ASCC3: variants seen among roughly 807,000 people sequenced by gnomAD.
ASCC3 encodes ASC-1 complex subunit P200.
In ASCC3, 158 loss-of-function variants were observed where a neutral mutation model predicts 256.3. The observed-to-expected ratio is 0.62, with a 90% CI of 0.54 to 0.70. The LOEUF (loss-of-function observed/expected upper bound fraction) is 0.70. ASCC3 is among the 30% of genes least tolerant of loss of function. The pLI, the probability that ASCC3 is intolerant of heterozygous loss-of-function variation, is 0.00. For synonymous variants in ASCC3, 948 were observed against 883.4 expected (o/e 1.07, Z -1.30); for missense variants, 2,259 against 2,626.0 (o/e 0.86, Z 3.05).
chr6:100,816,641 C>T lies in ASCC3; in HGVS notation c.802-10761G>A, dbSNP rs996965571. ...GGTGAAAGCCATTATCTTTAGCAAA[C>T]TAGCACACCAACAGAAAATCAAATA... On this transcript the variant is annotated intron_variant, in intron 4 of 41. Coordinates refer to ENST00000369162, the MANE Select transcript of ASCC3 (RefSeq NM_006828.4). Among the ~76,000 whole-genome samples, 14 of 152,174 alleles carry T rather than the reference C, an allele frequency of 9.2e-5. No individual in the cohort carries two copies. In the South Asian group the frequency reaches 2.3e-3, roughly 25 times the overall value.
At chr6:100,865,268 G>T (rs1773423038) in intron 2 of ASCC3, among the ~76,000 whole-genome samples, 1 of 152,092 alleles carries the variant, frequency 6.6e-6, no homozygotes, top group Non-Finnish European at 1.5e-5. Context: ...ATATTAAAAT[G>T]AAGCTCATCA....
chr6:100,727,884 T>A lies in ASCC3; in HGVS notation c.1738-2181A>T, dbSNP rs9498193. ...AGGGATCATTCTAAGGAGAAAAAAA[T>A]TTTCTATACCTGCTTAAGAGTGTGG... On this transcript the variant is annotated intron_variant, in intron 10 of 41. Coordinates refer to ENST00000369162, the MANE Select transcript of ASCC3 (RefSeq NM_006828.4). Among the ~76,000 whole-genome samples the A allele has an allele frequency of 4.8e-3, 734 of 151,876 alleles. 10 individuals carry two copies. The highest frequency in any genetic ancestry group is 0.017 in the African/African-American group (711 of 41,468).
chr6:100,806,573 G>A (rs1276399445), intron 4 of ASCC3, among the ~76,000 whole-genome samples: 1 of 151,766 alleles, frequency 6.6e-6, no homozygotes, highest in African/African-American at 2.4e-5. Context: ...GATCTGGGAA[G>A]ATACATGTAT....
intron 10 of ASCC3, among the ~76,000 whole-genome samples, chr6:100,750,068 T>C (rs2115091579): frequency 6.6e-6 from 1 of 151,944 alleles, no homozygotes. Flanking sequence ...AGAGCCTTTT[T>C]GACAAAAACT....
At chr6:100,687,842 T>A (rs1450602278) in intron 13 of ASCC3, among the ~76,000 whole-genome samples, 1 of 152,094 alleles carries the variant, frequency 6.6e-6, no homozygotes, top group Non-Finnish European at 1.5e-5. Context: ...AAAGTATCCA[T>A]ATGTTCAAAC....
intron 36 of ASCC3, among the ~76,000 whole-genome samples, chr6:100,560,019 C>T (rs240772): frequency 0.58 from 88,645 of 151,918 alleles, 26,450 homozygotes; most frequent in South Asian, 0.71. Context: ...AATAAAACCA[C>T]TAAAAATAGA....
At position 100,766,576 on chromosome 6, in the gene ASCC3, A is replaced by G. The variant is rs1442889408; in HGVS notation, c.1726T>C (p.Leu576=). Residue 576 remains leucine, a synonymous_variant, in exon 10 of 42, where the codon TTA becomes CTA. Transcript: ENST00000369162. ...GDMQLSKSEI[L]RTQMLVTTPE... is the part of the protein sequence containing the mutation. ...GGTAAACAACATACCTGAGTTCGTA[A>G]AATTTCACTTTTGGACAACTGCATG... is the stretch of plus-strand genomic sequence containing the variant. The G allele has an allele frequency of 1.2e-6, 2 of 1,613,960 alleles. No homozygotes were observed. Among genetic ancestry groups the G allele is most frequent in the African/African-American group, 2.7e-5 (2 of 74,936 alleles).
chr6:100,810,535 A>G (rs535890005), intron 4 of ASCC3, among the ~76,000 whole-genome samples: 1 of 152,304 alleles, frequency 6.6e-6, no homozygotes, highest in East Asian at 1.9e-4. Flanking sequence ...TAACCCTTAA[A>G]TAAGTGTCAT....
chr6:100,510,237 G>T, intron 40 of ASCC3, 130 bp from the exon 41 acceptor site: 1 of 1,001,634 alleles, frequency 1.0e-6, no homozygotes, highest in Non-Finnish European at 1.5e-6. Flanking sequence ...TATCTGAGAT[G>T]TTTTAAATTT....
intron 13 of ASCC3, among the ~76,000 whole-genome samples, chr6:100,689,325 T>C (rs1171260259): frequency 6.6e-6 from 1 of 152,162 alleles, no homozygotes; most frequent in African/African-American, 2.4e-5. Flanking sequence ...GTTAACCACA[T>C]AGCGAGGTAG....
intron 13 of ASCC3, among the ~76,000 whole-genome samples, chr6:100,688,640 G>A (rs1777696651): frequency 6.6e-6 from 1 of 152,076 alleles, no homozygotes; most frequent in Non-Finnish European, 1.5e-5. Flanking sequence ...GTTTATCACT[G>A]CCTATCTTTT....
At chr6:100,584,414 C>A (rs575174090) in intron 36 of ASCC3, among the ~76,000 whole-genome samples, 1 of 150,832 alleles carries the variant, frequency 6.6e-6, no homozygotes, top group Non-Finnish European at 1.5e-5. Flanking sequence ...TGCAACCTCT[C>A]CCTTTTTTTG....
At chr6:100,878,540 C>A (rs1266247202) in intron 1 of ASCC3, among the ~76,000 whole-genome samples, 1 of 152,110 alleles carries the variant, frequency 6.6e-6, no homozygotes, top group African/African-American at 2.4e-5. Context: ...CAGAATATCC[C>A]ACAAAGATGA....
chr6:100,575,755 G>A (rs1283833258), intron 36 of ASCC3, among the ~76,000 whole-genome samples: 1 of 151,760 alleles, frequency 6.6e-6, no homozygotes, highest in Non-Finnish European at 1.5e-5. Context: ...AAGACATTTG[G>A]GGCATATTTT....
intron 8 of ASCC3, among the ~76,000 whole-genome samples, chr6:100,773,348 A>T (rs1782031653): frequency 6.6e-6 from 1 of 152,176 alleles, no homozygotes; most frequent in Admixed American, 6.5e-5. Context: ...TAGACTTATG[A>T]CAAGAAACAG....
intron 10 of ASCC3, among the ~76,000 whole-genome samples, chr6:100,737,699 T>C (rs1780247897): frequency 6.6e-6 from 1 of 152,232 alleles, no homozygotes; most frequent in Non-Finnish European, 1.5e-5. Flanking sequence ...TACATGTACA[T>C]GTATCTTTGT....
intron 3 of ASCC3, among the ~76,000 whole-genome samples, chr6:100,851,293 T>C (rs754835278): frequency 3.3e-5 from 5 of 152,160 alleles, no homozygotes; most frequent in Non-Finnish European, 7.4e-5. Context: ...ATTTTAAAAA[T>C]AAATAGGTCA....
At chr6:100,783,479 T>C (rs1582857880) in intron 8 of ASCC3, among the ~76,000 whole-genome samples, 2 of 152,300 alleles carry the variant, frequency 1.3e-5, no homozygotes, top group East Asian at 3.9e-4. Flanking sequence ...TCCTCCATCA[T>C]GTACTAAACG....
chr6:100,821,799 G>A (rs528403046), intron 4 of ASCC3, among the ~76,000 whole-genome samples: 1 of 151,912 alleles, frequency 6.6e-6, no homozygotes, highest in Non-Finnish European at 1.5e-5. Context: ...ACCCCAGCCT[G>A]GATGACAGAG....
Sources: allele counts gnomAD v4.1 joint callset (sites outside exome capture counted in the v4.1 genomes callset), GRCh38; gene constraint gnomAD v4.1.1; transcripts MANE v1.5; gene names NCBI Gene and HGNC (gene_info 2026-07-23, HGNC 2026-07-21).